CFAP95: variants seen among roughly 807,000 people sequenced by gnomAD.
CFAP95 encodes the protein cilia and flagella associated protein 95, also known as cilia- and flagella-associated protein 95.
chr9:69,876,132 A>G, the CFAP95 span, among the ~76,000 whole-genome samples: 1 of 152,348 alleles, frequency 6.6e-6, no homozygotes, highest in Non-Finnish European at 1.5e-5. Flanking sequence ...TTATTGTTTC[A>G]TATCCTTATA....
chr9:69,840,338 T>G, the CFAP95 span, among the ~76,000 whole-genome samples: 2 of 152,226 alleles, frequency 1.3e-5, no homozygotes, highest in African/African-American at 4.8e-5. Context: ...TATTACATTT[T>G]AATCACAGAA....
the CFAP95 span, among the ~76,000 whole-genome samples, chr9:69,870,107 C>G: frequency 6.6e-6 from 1 of 152,110 alleles, no homozygotes; most frequent in Non-Finnish European, 1.5e-5. Flanking sequence ...ACATATAAAT[C>G]TTATATTGTC....
chr9:69,899,867 C>T, the CFAP95 span, among the ~76,000 whole-genome samples: 2 of 152,310 alleles, frequency 1.3e-5, no homozygotes, highest in East Asian at 1.9e-4. Context: ...TGTGACTCCA[C>T]TGGGAGAGGA....
chr9:69,904,688 G>C, the CFAP95 span, among the ~76,000 whole-genome samples: 1 of 152,108 alleles, frequency 6.6e-6, no homozygotes, highest in African/African-American at 2.4e-5. Flanking sequence ...ACCTCCCTTT[G>C]AGGGAACATT....
the CFAP95 span, among the ~76,000 whole-genome samples, chr9:69,842,272 G>C: frequency 6.6e-6 from 1 of 152,288 alleles, no homozygotes; most frequent in Middle Eastern, 3.4e-3. Flanking sequence ...GCATGGATCT[G>C]TAAGGGAAGA....
the CFAP95 span, among the ~76,000 whole-genome samples, chr9:69,890,811 T>C: frequency 6.6e-6 from 1 of 152,218 alleles, no homozygotes; most frequent in South Asian, 2.1e-4. Flanking sequence ...CACATTTGTA[T>C]AAAGTGGGAC....
At chr9:69,880,716 GC>G in the CFAP95 span, among the ~76,000 whole-genome samples, 493 of 152,262 alleles carry the variant, frequency 3.2e-3, 5 homozygotes, top group African/African-American at 0.011. Context: ...TCAATTGTTA[GC>G]TTTTTGAGGA....
chr9:69,895,769 A>C, the CFAP95 span, among the ~76,000 whole-genome samples: 1 of 152,014 alleles, frequency 6.6e-6, no homozygotes, highest in Non-Finnish European at 1.5e-5. Context: ...CCAGAAACTT[A>C]ACTTTTGCCT....
At chr9:69,863,335 G>A in the CFAP95 span, among the ~76,000 whole-genome samples, 1 of 151,828 alleles carries the variant, frequency 6.6e-6, no homozygotes, top group Non-Finnish European at 1.5e-5. Flanking sequence ...ATGTTATATG[G>A]GTAGAGACAG....
the CFAP95 span, among the ~76,000 whole-genome samples, chr9:69,847,873 C>A: frequency 1.3e-5 from 2 of 152,274 alleles, no homozygotes; most frequent in South Asian, 2.1e-4. Context: ...AGTTTAAAAT[C>A]GGACTTACTT....
chr9:69,831,548 T>C, the CFAP95 span, among the ~76,000 whole-genome samples: 3 of 152,138 alleles, frequency 2.0e-5, no homozygotes, highest in Non-Finnish European at 4.4e-5. Flanking sequence ...GCCTTTAGGA[T>C]GTTAGAGGTT....
At chr9:69,888,433 G>A in the CFAP95 span, among the ~76,000 whole-genome samples, 1 of 152,050 alleles carries the variant, frequency 6.6e-6, no homozygotes, top group East Asian at 1.9e-4. Flanking sequence ...ATGAGCAAAG[G>A]AAATAATATA....
At chr9:69,856,729 T>A in the CFAP95 span, 2 of 1,259,944 alleles carry the variant, frequency 1.6e-6, no homozygotes, top group South Asian at 1.3e-5. Flanking sequence ...AAAGGACTTG[T>A]ATAAGTAGCA....
the CFAP95 span, among the ~76,000 whole-genome samples, chr9:69,838,669 C>T: frequency 4.3e-3 from 648 of 152,046 alleles, 1 homozygote; most frequent in Middle Eastern, 0.02. Flanking sequence ...ATAATCATGT[C>T]GTCTGCAAAC....
At chr9:69,879,557 AC>A in the CFAP95 span, among the ~76,000 whole-genome samples, 1 of 152,120 alleles carries the variant, frequency 6.6e-6, no homozygotes, top group African/African-American at 2.4e-5. Context: ...CATACATCCT[AC>A]GTTCACTTTG....
At chr9:69,848,649 G>A in the CFAP95 span, among the ~76,000 whole-genome samples, 1 of 152,190 alleles carries the variant, frequency 6.6e-6, no homozygotes, top group African/African-American at 2.4e-5. Flanking sequence ...AGGAGATAGA[G>A]GGAGGTGGGG....
At chr9:69,899,018 A>G in the CFAP95 span, among the ~76,000 whole-genome samples, 2 of 152,154 alleles carry the variant, frequency 1.3e-5, no homozygotes, top group Non-Finnish European at 2.9e-5. Context: ...TTCCTGTGAA[A>G]TGACTCTTTC....
chr9:69,898,155 A>C, the CFAP95 span, among the ~76,000 whole-genome samples: 1 of 152,018 alleles, frequency 6.6e-6, no homozygotes, highest in East Asian at 1.9e-4. Context: ...AGGTTAATTG[A>C]CATTGTTGTG....
At chr9:69,832,228 T>C in the CFAP95 span, among the ~76,000 whole-genome samples, 1 of 152,182 alleles carries the variant, frequency 6.6e-6, no homozygotes, top group Non-Finnish European at 1.5e-5. Flanking sequence ...GTTAGGATAT[T>C]GTGATATCCC....
Sources: gnomAD v4.1 joint callset for allele counts (sites outside exome capture counted in the v4.1 genomes callset) on GRCh38, gnomAD v4.1.1 for gene constraint, MANE v1.5 for transcripts, NCBI Gene and HGNC (gene_info 2026-07-23, HGNC 2026-07-21) for gene names.